The following XKR9 variants were observed in gnomAD, a reference collection of about 807,000 sequenced individuals.
XKR9 encodes XK related 9, also known as XK-related protein 9.
A neutral mutation model predicts 32.0 loss-of-function variants in XKR9; 32 were observed. The observed-to-expected ratio is 1.00, with a 90% CI of 0.76 to 1.34. The LOEUF is 1.34. XKR9 is among the 40% of genes most tolerant of loss of function. The pLI is 0.00. For synonymous variants in XKR9, 168 were observed against 143.4 expected, an observed-to-expected ratio of 1.17 and a Z score of -1.22; for missense variants, 546 against 429.7, an observed-to-expected ratio of 1.27 and a Z score of -2.39.
At chr8:70,885,494 C>T in the XKR9 span, among the ~76,000 whole-genome samples, 1 of 152,070 alleles carries the variant, frequency 6.6e-6, no homozygotes, top group African/African-American at 2.4e-5. Flanking sequence ...AGGTTTGCCG[C>T]ACCTATCAAT....
the XKR9 span, among the ~76,000 whole-genome samples, chr8:70,823,531 A>G: frequency 6.6e-6 from 1 of 152,124 alleles, no homozygotes; most frequent in Non-Finnish European, 1.5e-5. Flanking sequence ...ACCAACTACT[A>G]CTTTCTTCTT....
chr8:70,846,624 A>G, the XKR9 span, among the ~76,000 whole-genome samples: 1 of 152,082 alleles, frequency 6.6e-6, no homozygotes, highest in Admixed American at 6.5e-5. Context: ...TGACTATATG[A>G]TGCCTACAGA....
chr8:70,814,718 AC>A, the XKR9 span, among the ~76,000 whole-genome samples: 1 of 152,222 alleles, frequency 6.6e-6, no homozygotes, highest in African/African-American at 2.4e-5. Context: ...CTGTTGTTCA[AC>A]ATTGCTAGTA....
At chr8:71,029,793 G>C in the XKR9 span, among the ~76,000 whole-genome samples, 1 of 151,452 alleles carries the variant, frequency 6.6e-6, no homozygotes, top group East Asian at 1.9e-4. Flanking sequence ...AAAAAAAAAA[G>C]TTGGCTAATT....
chr8:70,700,787 G>A (rs1310476565), intron 3 of XKR9, among the ~76,000 whole-genome samples: 1 of 152,224 alleles, frequency 6.6e-6, no homozygotes, highest in African/African-American at 2.4e-5. Context: ...TGCCTCCAGA[G>A]GTGGAGCCTA....
At chr8:70,953,846 T>A in the XKR9 span, among the ~76,000 whole-genome samples, 3 of 152,026 alleles carry the variant, frequency 2.0e-5, no homozygotes, top group African/African-American at 7.2e-5. Context: ...CCCTGGCAGA[T>A]TCCCATGGTT....
At chr8:70,844,405 C>G in the XKR9 span, among the ~76,000 whole-genome samples, 2 of 152,210 alleles carry the variant, frequency 1.3e-5, no homozygotes, top group African/African-American at 4.8e-5. Context: ...TGAGAACTGC[C>G]TGTGTGTGGC....
chr8:70,688,542 G>T (rs936777792), intron 3 of XKR9, among the ~76,000 whole-genome samples: 1 of 151,820 alleles, frequency 6.6e-6, no homozygotes, highest in African/African-American at 2.4e-5. Flanking sequence ...TCAGCCTTCT[G>T]AGTAGCTGGG....
chr8:70,898,465 G>A, the XKR9 span, among the ~76,000 whole-genome samples: 1 of 152,044 alleles, frequency 6.6e-6, no homozygotes, highest in African/African-American at 2.4e-5. Context: ...AATGTCTTTG[G>A]TATTTTGATG....
chr8:70,796,156 C>A, the XKR9 span, among the ~76,000 whole-genome samples: 1 of 151,732 alleles, frequency 6.6e-6, no homozygotes, highest in Non-Finnish European at 1.5e-5. Flanking sequence ...GATTATTTTA[C>A]CACACAGGTA....
chr8:70,954,658 C>T, the XKR9 span, among the ~76,000 whole-genome samples: 4 of 152,318 alleles, frequency 2.6e-5, no homozygotes, highest in South Asian at 8.3e-4. Flanking sequence ...TCCTCAGGTT[C>T]ATTTCAATTC....
the XKR9 span, among the ~76,000 whole-genome samples, chr8:70,988,669 T>A: frequency 2.2e-3 from 333 of 152,332 alleles, 2 homozygotes; most frequent in African/African-American, 7.6e-3. Context: ...CTTAAAAAAA[T>A]TATAGTTTAA....
the XKR9 span, among the ~76,000 whole-genome samples, chr8:70,957,142 T>A: frequency 6.6e-6 from 1 of 152,272 alleles, no homozygotes; most frequent in African/African-American, 2.4e-5. Flanking sequence ...TTTGGAAGTA[T>A]GCTACCTCTA....
chr8:70,795,918 A>C, the XKR9 span, among the ~76,000 whole-genome samples: 1 of 152,142 alleles, frequency 6.6e-6, no homozygotes, highest in African/African-American at 2.4e-5. Context: ...ACTTTCTCCC[A>C]TTCTGTAGGT....
chr8:70,673,133 G>A (rs1392462836), intron 1 of XKR9, among the ~76,000 whole-genome samples: 1 of 152,070 alleles, frequency 6.6e-6, no homozygotes, highest in African/African-American at 2.4e-5. Flanking sequence ...CAAAATCTTT[G>A]CCTAAACCAA....
chr8:70,684,604 G>A (rs943740851), intron 3 of XKR9, among the ~76,000 whole-genome samples: 7 of 151,378 alleles, frequency 4.6e-5, no homozygotes, highest in African/African-American at 1.7e-4. Flanking sequence ...ATCTGACAAA[G>A]GGCTAATATC....
At chr8:70,921,460 G>A in the XKR9 span, among the ~76,000 whole-genome samples, 2 of 152,194 alleles carry the variant, frequency 1.3e-5, no homozygotes, top group Non-Finnish European at 2.9e-5. Context: ...AACTGTCAGA[G>A]TTGTGGGATG....
chr8:70,810,050 G>A, the XKR9 span, among the ~76,000 whole-genome samples: 2 of 152,152 alleles, frequency 1.3e-5, no homozygotes, highest in Non-Finnish European at 2.9e-5. Flanking sequence ...GAAAGGTGGG[G>A]TTACCCACAA....
At position 70,706,950 on chromosome 8, in the gene XKR9, A is replaced by C. The variant is rs147819305; in HGVS notation, c.290A>C (p.Lys97Thr). 6.2e-7 allele frequency: 1 copy of C among 1,612,212 alleles called. No homozygotes were observed. Among genetic ancestry groups the C allele is most frequent in the Non-Finnish European group, 8.5e-7 (1 of 1,178,910 alleles). ...CTTTATAGGTATTGGTTTGCCTTAA[A>C]AAGGGGTTACCATGCAGCTTTTAAA... ...GVFTRYWFAL[K>T]RGYHAAFKYD... Residue 97 changes from lysine to threonine, a missense_variant, in exon 4 of 5, where the codon AAA becomes ACA. Lys to Thr is a moderately conservative substitution (Grantham distance 78). Coordinates refer to ENST00000408926, the MANE Select transcript of XKR9 (RefSeq NM_001011720.2).
Sources: gnomAD v4.1 joint callset for allele counts (sites outside exome capture counted in the v4.1 genomes callset) on GRCh38, gnomAD v4.1.1 for gene constraint, MANE v1.5 for transcripts, NCBI Gene and HGNC (gene_info 2026-07-23, HGNC 2026-07-21) for gene names.